Variants in LNX1 observed in about 807,000 individuals in gnomAD.
The protein encoded by LNX1 is E3 ubiquitin-protein ligase LNX.
A neutral mutation model predicts 68.4 loss-of-function variants in LNX1; 54 were observed. That is an observed-to-expected ratio of 0.79 (90% CI 0.63 to 0.99). The LOEUF is 0.99. Ranked by LOEUF, LNX1 falls within the 50% of genes least tolerant of loss-of-function variation. The probability of loss-of-function intolerance (pLI) is 0.00; values close to 1 mark genes in which losing one functional copy is unlikely to be tolerated. For synonymous variants in LNX1, 336 were observed against 350.0 expected (o/e 0.96, Z 0.45); for missense variants, 906 against 926.4 (o/e 0.98, Z 0.29).
At chr4:53,508,596 A>T (rs558989545) in intron 2 of LNX1, among the ~76,000 whole-genome samples, 1 of 152,312 alleles carries the variant, frequency 6.6e-6, no homozygotes, top group South Asian at 2.1e-4. Flanking sequence ...TGACCATGAA[A>T]GCCCTTAGTC....
At chr4:53,521,263 C>A (rs1577653987) in intron 2 of LNX1, among the ~76,000 whole-genome samples, 1 of 152,232 alleles carries the variant, frequency 6.6e-6, no homozygotes, top group Non-Finnish European at 1.5e-5. Context: ...GTCTATGCAA[C>A]CCCAGGGGCT....
intron 2 of LNX1, among the ~76,000 whole-genome samples, chr4:53,521,409 C>A (rs372557184): frequency 6.6e-6 from 1 of 152,158 alleles, no homozygotes; most frequent in Non-Finnish European, 1.5e-5. Flanking sequence ...AAGATATCTC[C>A]GAGTTTGCCC....
chr4:53,609,744 A>G (rs1733398685), intron 2 of LNX1, among the ~76,000 whole-genome samples: 1 of 141,442 alleles, frequency 7.1e-6, no homozygotes, highest in Admixed American at 7.2e-5. Context: ...ATACTATTAT[A>G]TATTATATAT....
chr4:53,648,276 A>AT (rs1025476437), intron 1 of LNX1, among the ~76,000 whole-genome samples: 2 of 152,112 alleles, frequency 1.3e-5, no homozygotes, highest in African/African-American at 2.4e-5. Context: ...TTATTTTGGA[A>AT]TTTTTTTTAA....
intron 2 of LNX1, chr4:53,558,254 C>T (rs1395713482): frequency 8.2e-7 from 1 of 1,218,008 alleles, no homozygotes; most frequent in South Asian, 1.9e-5. Context: ...AGGAACCAGC[C>T]CCTCCTGCAG....
intron 1 of LNX1, among the ~76,000 whole-genome samples, chr4:53,629,536 C>T (rs1449655892): frequency 6.6e-6 from 1 of 152,230 alleles, no homozygotes; most frequent in African/African-American, 2.4e-5. Flanking sequence ...AGTCTGCCTT[C>T]CAAATGGCTT....
rs1287461377 is a variant in LNX1, at chr4:53,496,149, G to A, written c.1224C>T (p.Ile408=). Residue 408 remains isoleucine, a synonymous_variant, in exon 6 of 11, where the codon ATC becomes ATT. Coordinates refer to ENST00000263925, the MANE Select transcript of LNX1 (RefSeq NM_001126328.3). ...VRKVDEPGVF[I]FNVLDGGVAY... ...CCACACCGCCATCCAGCACATTGAA[G>A]ATGAAAACCCCAGGCTCATCCACCT... is the stretch of plus-strand genomic sequence containing the variant. 1.8e-5 allele frequency: 29 copies of A among 1,614,038 alleles called. No individual in the cohort carries two copies. The highest frequency in any genetic ancestry group is 2.4e-5 in the Non-Finnish European group (28 of 1,180,036).
At chr4:53,572,161 G>T (rs1409059328) in intron 2 of LNX1, among the ~76,000 whole-genome samples, 1 of 152,072 alleles carries the variant, frequency 6.6e-6, no homozygotes, top group East Asian at 1.9e-4. Context: ...ACTCCTGTTG[G>T]CATCTACCTC....
At chr4:53,642,901 AC>A (rs1453247984) in intron 1 of LNX1, among the ~76,000 whole-genome samples, 3 of 152,104 alleles carry the variant, frequency 2.0e-5, no homozygotes, top group Non-Finnish European at 4.4e-5. Flanking sequence ...CCTGGGTGTA[AC>A]TTTAGTCTCC....
rs1722010772 is a variant in LNX1, at chr4:53,461,118, G to T, written c.2052-76C>A. On this transcript the variant is annotated intron_variant, in intron 10 of 10. Coordinates refer to ENST00000263925, the MANE Select transcript of LNX1 (RefSeq NM_001126328.3). ...AAGTTAATGCAAGTTTATCTTAGTG[G>T]TGCTAGATTTTGCTACATCTGACCA... is the stretch of plus-strand genomic sequence containing the variant. 1.5e-5 allele frequency: 19 copies of T among 1,306,058 alleles called. No individual in the cohort carries two copies. In the South Asian group the frequency reaches 2.1e-4, roughly 14 times the overall value. 80.9% of individuals were successfully genotyped at this position (1,306,058 alleles called of 1,614,324 possible). A position where few individuals can be genotyped will look rare whatever the true frequency, so the allele number is the denominator to read the frequency against.
At chr4:53,475,146 G>A (rs10007903) in intron 9 of LNX1, among the ~76,000 whole-genome samples, 85,904 of 152,094 alleles carry the variant, frequency 0.56, 25,815 homozygotes, top group Non-Finnish European at 0.67. Flanking sequence ...AAAGACATTC[G>A]CTTGGTTGTA....
chr4:53,461,738 C>T (rs970594679), intron 9 of LNX1, 145 bp from the exon 10 acceptor site: 7 of 548,560 alleles, frequency 1.3e-5, no homozygotes, highest in East Asian at 2.9e-5. Flanking sequence ...TTGTATCATA[C>T]CTTGGTGACC....
intron 2 of LNX1, among the ~76,000 whole-genome samples, chr4:53,537,684 G>A (rs1265755449): frequency 2.0e-5 from 3 of 152,096 alleles, no homozygotes; most frequent in South Asian, 2.1e-4. Context: ...GGATGGCCCC[G>A]GGCACCTTCT....
chr4:53,509,104 G>A (rs530816734), intron 2 of LNX1, among the ~76,000 whole-genome samples: 114 of 152,292 alleles, frequency 7.5e-4, no homozygotes, highest in Non-Finnish European at 1.3e-3. Context: ...CTGCCACTCG[G>A]CAAGTCATTG....
intron 2 of LNX1, among the ~76,000 whole-genome samples, chr4:53,565,060 G>A (rs1015815764): frequency 1.3e-5 from 2 of 152,004 alleles, no homozygotes; most frequent in Admixed American, 1.3e-4. Flanking sequence ...AGGTGGCAGC[G>A]AGGCTGGGGG....
chr4:53,597,628 C>T (rs1732809938), intron 2 of LNX1, among the ~76,000 whole-genome samples: 1 of 152,196 alleles, frequency 6.6e-6, no homozygotes, highest in South Asian at 2.1e-4. Context: ...TCGTCTGTGG[C>T]TCCACACTCT....
intron 1 of LNX1, among the ~76,000 whole-genome samples, chr4:53,630,536 CCAAG>C (rs1734230141): frequency 6.6e-6 from 1 of 152,000 alleles, no homozygotes. Context: ...TAAAATGGCC[CCAAG>C]CATGGTGCTG....
At chr4:53,613,087 C>A (rs1307122885) in intron 2 of LNX1, among the ~76,000 whole-genome samples, 1 of 149,304 alleles carries the variant, frequency 6.7e-6, no homozygotes, top group Non-Finnish European at 1.5e-5. Flanking sequence ...AAGACACATA[C>A]TAGATTATTA....
rs1045379630 is a variant in LNX1, at chr4:53,496,595, C to G, written c.979-201G>C. On this transcript the variant is annotated intron_variant, in intron 5 of 10. Transcript: ENST00000263925. The stretch of plus-strand genomic sequence containing the variant: ...GCGTGGCCTGCAGCACCTCTCCAGG[C>G]CTCTGTGAGTAGACACCATCTTTCT... 7.0e-6 allele frequency: 4 copies of G among 568,248 alleles called. No individual in the cohort carries two copies. The East Asian group carries it at 8.5e-5, about 12-fold the overall frequency. The allele number at this position is 568,248 out of a possible 1,614,324, so 35.2% of individuals were successfully genotyped here.
Sources: gnomAD v4.1 joint callset for allele counts (sites outside exome capture counted in the v4.1 genomes callset) on GRCh38, gnomAD v4.1.1 for gene constraint, MANE v1.5 for transcripts, NCBI Gene and HGNC (gene_info 2026-07-23, HGNC 2026-07-21) for gene names.